MAP3K4: variants seen among roughly 807,000 people sequenced by gnomAD.
MAP3K4 encodes mitogen-activated protein kinase kinase kinase 4, also known as MAP three kinase 1.
A neutral mutation model predicts 185.6 loss-of-function variants in MAP3K4; 67 were observed. The observed-to-expected ratio is 0.36, with a 90% CI of 0.30 to 0.44. MAP3K4 has a LOEUF of 0.44. Ranked by LOEUF, MAP3K4 falls within the 20% of genes least tolerant of loss-of-function variation. MAP3K4 has a pLI of 1.00. For synonymous variants in MAP3K4, 702 were observed against 710.4 expected (o/e 0.99, Z 0.19); for missense variants, 1,551 against 1,995.1 (o/e 0.78, Z 4.24).
rs1785496542 is a variant in MAP3K4, at chr6:161,082,283, T to C, written c.2255+1245T>C. On this transcript the variant is annotated intron_variant, in intron 6 of 26. Transcript: ENST00000392142. This position sits in a 1 kb window ranked among gnomAD's most constrained non-coding sequence, Gnocchi z 4.2. ...CCCCCTTACTTTTCCATGATTCTGC[T>C]TTGCCTAATTCCTTCTGTTTGCATT... Among the ~76,000 whole-genome samples the C allele has an allele frequency of 6.6e-6, 1 of 152,104 alleles. No individual in the cohort carries two copies. Among genetic ancestry groups the C allele is most frequent in the East Asian group, 1.9e-4 (1 of 5,168 alleles).
chr6:161,014,117 T>G (rs111453715), intron 1 of MAP3K4, among the ~76,000 whole-genome samples: 6 of 152,246 alleles, frequency 3.9e-5, no homozygotes, highest in African/African-American at 1.4e-4. Context: ...GTCATTAACA[T>G]GACTTTTGTA....
intron 2 of MAP3K4, among the ~76,000 whole-genome samples, chr6:161,045,627 C>A (rs1163880677): frequency 6.6e-6 from 1 of 152,070 alleles, no homozygotes; most frequent in Non-Finnish European, 1.5e-5. Flanking sequence ...GTCATTTAAT[C>A]CTTAGTTTTC....
intron 1 of MAP3K4, among the ~76,000 whole-genome samples, chr6:161,031,492 CTTTA>C (rs1348637157): frequency 6.6e-6 from 1 of 152,072 alleles, no homozygotes; most frequent in African/African-American, 2.4e-5. Flanking sequence ...AAAGGTACTT[CTTTA>C]TTTATTTTTA....
intron 1 of MAP3K4, among the ~76,000 whole-genome samples, chr6:161,025,339 C>T (rs376285039): frequency 6.6e-6 from 1 of 152,220 alleles, no homozygotes; most frequent in African/African-American, 2.4e-5. Context: ...TGAACGAGCT[C>T]TTTCTGTGCC....
chr6:161,058,529 C>G (rs1348807268), intron 3 of MAP3K4, among the ~76,000 whole-genome samples: 1 of 152,116 alleles, frequency 6.6e-6, no homozygotes, highest in Non-Finnish European at 1.5e-5. Context: ...AAACAGTATG[C>G]TTTTGTTTTA....
Position 161,112,567 on chromosome 6 carries a change from G to T in MAP3K4, c.4520-101G>T. On this transcript the variant is annotated intron_variant, in intron 24 of 26. Transcript: ENST00000392142. The surrounding 1 kb of genome is among the most constrained non-coding windows in gnomAD (Gnocchi z 5.1). ...TTGATATTTCCCATTACCTAATGCA[G>T]GAAGATAATATTGTACAATATTAAT... 1.4e-6 allele frequency: 1 copy of T among 729,732 alleles called. No individual in the cohort carries two copies. Among genetic ancestry groups the T allele is most frequent in the Non-Finnish European group, 2.0e-6 (1 of 491,378 alleles). 45.2% of individuals were successfully genotyped at this position (729,732 alleles called of 1,614,324 possible).
At chr6:161,052,508 A>G (rs73784727) in intron 3 of MAP3K4, among the ~76,000 whole-genome samples, 3,409 of 152,282 alleles carry the variant, frequency 0.022, 109 homozygotes, top group African/African-American at 0.073. Context: ...CAAAAAATGA[A>G]CTACAGAAGC....
rs1398409204 is a variant in MAP3K4, at chr6:161,112,202, T to G, written c.4519+244T>G. Reference sequence around the variant, plus strand: ...AGCCTCTTTTTCTCACCAGAACAACTCTTTTGTTGTTTGCATTGTTTTTCT... The same window carrying G: ...AGCCTCTTTTTCTCACCAGAACAACGCTTTTGTTGTTTGCATTGTTTTTCT... On this transcript the variant is annotated intron_variant, in intron 24 of 26. Coordinates refer to ENST00000392142, the MANE Select transcript of MAP3K4 (RefSeq NM_005922.4). This position sits in a 1 kb window ranked among gnomAD's most constrained non-coding sequence, Gnocchi z 5.1. Among the ~76,000 whole-genome samples, 1 of 137,666 alleles carries G rather than the reference T, an allele frequency of 7.3e-6. No homozygotes were observed. The highest frequency in any genetic ancestry group is 1.6e-5 in the Non-Finnish European group (1 of 61,634). The allele number at this position is 137,666 out of a possible 152,430, so 90.3% of individuals were successfully genotyped here.
In MAP3K4 at chr6:161,049,710, A is replaced by T; in HGVS notation, c.1438A>T (p.Asn480Tyr). The T allele has an allele frequency of 6.2e-7, 1 of 1,614,164 alleles. No individual in the cohort carries two copies. Among genetic ancestry groups the T allele is most frequent in the Non-Finnish European group, 8.5e-7 (1 of 1,180,028 alleles). ...RVPEIRQPID[N>Y]SFDIQSRDCI... ...ACCGGAAATCAGACAGCCCATAGAT[A>T]ACAGCTTCGACATCCAGTCGCGGGA... Residue 480 changes from asparagine to tyrosine, a missense_variant, in exon 3 of 27, where the codon AAC (asparagine) becomes TAC (tyrosine). This residue lies in a region of MAP3K4 where 126 missense variants were observed against 112.8 expected (regional missense o/e 1.12). Transcript: ENST00000392142. The surrounding 1 kb of genome is among the most constrained non-coding windows in gnomAD (Gnocchi z 8.4).
rs1296981331 is a variant in MAP3K4, at chr6:161,080,752, G to A, written c.2098-129G>A. 5 of 711,998 alleles carry A rather than the reference G, an allele frequency of 7.0e-6. No individual in the cohort carries two copies. Among genetic ancestry groups the A allele is most frequent in the Non-Finnish European group, 9.6e-6 (4 of 415,730 alleles). 44.1% of individuals were successfully genotyped at this position (711,998 alleles called of 1,614,324 possible). On this transcript the variant is annotated intron_variant, in intron 5 of 26. Transcript: ENST00000392142. This position sits in a 1 kb window ranked among gnomAD's most constrained non-coding sequence, Gnocchi z 4.8. ...CAGTGGTGAGAACCTTGCTTCTGTCGGTGCTGCGTGCCTGTGACAGCCCCC... is the reference window on the plus strand; with the variant it reads ...CAGTGGTGAGAACCTTGCTTCTGTCAGTGCTGCGTGCCTGTGACAGCCCCC...
chr6:161,019,544 T>G (rs898630063), intron 1 of MAP3K4, among the ~76,000 whole-genome samples: 1 of 152,182 alleles, frequency 6.6e-6, no homozygotes, highest in Non-Finnish European at 1.5e-5. Flanking sequence ...GTAGCTGGAA[T>G]TACAGGCGTG....
In MAP3K4 at chr6:160,996,435, A is replaced by G. The variant is rs1780998526; in HGVS notation, c.152+4352A>G. Among the ~76,000 whole-genome samples the G allele has an allele frequency of 6.6e-6, 1 of 152,208 alleles. No individual in the cohort carries two copies. The highest frequency in any genetic ancestry group is 6.5e-5 in the Admixed American group (1 of 15,276). ...CTGAGCTCTGCTGAAATACGGGGAT[A>G]TAAAGGTCTTGCCTGCTCACTGGAT... On this transcript the variant is annotated intron_variant, in intron 1 of 26. Transcript: ENST00000392142. This position sits in a 1 kb window ranked among gnomAD's most constrained non-coding sequence, Gnocchi z 4.5.
Position 160,996,743 on chromosome 6 carries a change from G to C in MAP3K4, c.152+4660G>C, listed in dbSNP as rs934919716. Among the ~76,000 whole-genome samples the C allele has an allele frequency of 6.6e-6, 1 of 152,174 alleles. No homozygotes were observed. Among genetic ancestry groups the C allele is most frequent in the Non-Finnish European group, 1.5e-5 (1 of 68,022 alleles). On this transcript the variant is annotated intron_variant, in intron 1 of 26. Transcript: ENST00000392142. This position sits in a 1 kb window ranked among gnomAD's most constrained non-coding sequence, Gnocchi z 4.5. The stretch of plus-strand genomic sequence containing the variant: ...AAGGCCCAGACACTCACTGTGCTTG[G>C]CTTCTCAGGCACAGATACTCAGCTT...
At chr6:161,081,821 C>A (rs1018534733) in intron 6 of MAP3K4, among the ~76,000 whole-genome samples, 4 of 152,172 alleles carry the variant, frequency 2.6e-5, no homozygotes, top group African/African-American at 9.7e-5. Flanking sequence ...TTGGCACCAC[C>A]TTCTCCCACT....
At chr6:161,024,405 A>G (rs543034743) in intron 1 of MAP3K4, among the ~76,000 whole-genome samples, 1 of 152,164 alleles carries the variant, frequency 6.6e-6, no homozygotes, top group South Asian at 2.1e-4. Context: ...CAATATTGAC[A>G]CTTTGTTGTT....
In MAP3K4 at chr6:161,112,115, C is replaced by T. The variant is rs1019168599; in HGVS notation, c.4519+157C>T. Among the ~76,000 whole-genome samples, 1 of 152,190 alleles carries T rather than the reference C, an allele frequency of 6.6e-6. No homozygotes were observed. On this transcript the variant is annotated intron_variant, in intron 24 of 26. Transcript: ENST00000392142. The surrounding 1 kb of genome is among the most constrained non-coding windows in gnomAD (Gnocchi z 5.1). ...ACTTCCTCACACACTTGGGCTCCCA[C>T]GCAAGAGCAGCTGTCACATTGGTGA...
At position 161,097,193 on chromosome 6, in the gene MAP3K4, T is replaced by C. The variant is rs1398371154; in HGVS notation, c.3524+17T>C. The stretch of plus-strand genomic sequence containing the variant: ...GGGATTCAGGTATTTGGTGCTTATC[T>C]AGTCATTTGCTTTACAGAGTGCCCT... On this transcript the variant is annotated intron_variant, in intron 16 of 26. Transcript: ENST00000392142. This position sits in a 1 kb window ranked among gnomAD's most constrained non-coding sequence, Gnocchi z 4.9. 2 of 1,608,758 alleles carry C rather than the reference T, an allele frequency of 1.2e-6. No individual in the cohort carries two copies. The highest frequency in any genetic ancestry group is 2.2e-5 in the East Asian group (1 of 44,852).
intron 2 of MAP3K4, among the ~76,000 whole-genome samples, chr6:161,042,412 C>T (rs969103851): frequency 1.3e-5 from 2 of 152,160 alleles, no homozygotes; most frequent in African/African-American, 2.4e-5. Context: ...TGCTATCTGA[C>T]GTCCCAGTTG....
intron 1 of MAP3K4, among the ~76,000 whole-genome samples, chr6:160,994,270 A>G (rs1446654012): frequency 6.6e-6 from 1 of 152,138 alleles, no homozygotes; most frequent in Non-Finnish European, 1.5e-5. Context: ...TGTACCAAAT[A>G]TGTAGTCTAT....
Sources: allele counts gnomAD v4.1 joint callset (sites outside exome capture counted in the v4.1 genomes callset), GRCh38; gene constraint gnomAD v4.1.1; regional missense constraint gnomAD v4.1.1; non-coding constraint Gnocchi (gnomAD v3.1); transcripts MANE v1.5; gene names NCBI Gene and HGNC (gene_info 2026-07-23, HGNC 2026-07-21).